The following GUCY1A2 variants were observed in gnomAD, a reference collection of about 807,000 sequenced individuals.
The protein encoded by GUCY1A2 is guanylate cyclase 1 soluble subunit alpha 2.
GUCY1A2 carries 27 observed loss-of-function variants against 63.5 expected under a neutral mutation model. The ratio of observed to expected loss-of-function variants is 0.43; its 90% CI spans 0.31 to 0.59. The LOEUF (loss-of-function observed/expected upper bound fraction) is 0.59, where lower values mean the gene tolerates loss of function less well. GUCY1A2 is among the 20% of genes least tolerant of loss of function. The pLI is 0.11. For missense variants in GUCY1A2, 768 were observed against 913.3 expected, an observed-to-expected ratio of 0.84 and a Z score of 2.05; for synonymous variants, 364 against 343.5, an observed-to-expected ratio of 1.06 and a Z score of -0.66.
At chr11:107,008,957 T>C (rs1381659255) in intron 1 of GUCY1A2, among the ~76,000 whole-genome samples, 3 of 152,188 alleles carry the variant, frequency 2.0e-5, no homozygotes, top group Non-Finnish European at 2.9e-5. Flanking sequence ...ATAACAAATA[T>C]TATACAGTGA....
At chr11:106,719,708 C>G (rs879892604) in intron 6 of GUCY1A2, among the ~76,000 whole-genome samples, 1 of 152,088 alleles carries the variant, frequency 6.6e-6, no homozygotes, top group Non-Finnish European at 1.5e-5. Flanking sequence ...TTTAAAATTG[C>G]TGTTTTGAAT....
chr11:106,818,529 T>G (rs1034136323), intron 4 of GUCY1A2, among the ~76,000 whole-genome samples: 1 of 152,230 alleles, frequency 6.6e-6, no homozygotes, highest in East Asian at 1.9e-4. Context: ...ACAACAATAT[T>G]GAAATTAGAC....
intron 5 of GUCY1A2, among the ~76,000 whole-genome samples, chr11:106,787,428 C>T (rs1555032107): frequency 1.1e-5 from 1 of 93,976 alleles, no homozygotes; most frequent in Non-Finnish European, 2.3e-5. Flanking sequence ...TTTTTTTTTG[C>T]TTGAAAACTT....
rs541649388 is a variant in GUCY1A2 at position 106,791,271 on chromosome 11, T to C, written c.1693-14689A>G. On this transcript the variant is annotated intron_variant, in intron 5 of 7. Coordinates refer to ENST00000526355, the MANE Select transcript of GUCY1A2 (RefSeq NM_000855.3). The stretch of plus-strand genomic sequence containing the variant: ...TATGACAGGACAGCACTGAGTTCAA[T>C]ACAAAGTCTCACAATCACTGCAGTC... Among the ~76,000 whole-genome samples, 24 of 152,348 alleles carry C rather than the reference T, an allele frequency of 1.6e-4. No homozygotes were observed. In the South Asian group the frequency reaches 3.9e-3, roughly 25 times the overall value.
chr11:106,675,549 G>A lies in GUCY1A2; in HGVS notation c.*12000C>T, dbSNP rs943298754. ...ATAAAATAGAGGGAAAAATGGGACT[G>A]TGGATTACAACTGTTCAAATTTCAT... On this transcript the variant is annotated 3_prime_UTR_variant, in exon 8 of 8. Coordinates refer to ENST00000526355, the MANE Select transcript of GUCY1A2 (RefSeq NM_000855.3). The A allele has an allele frequency of 7.6e-5, 15 of 196,412 alleles. 1 individual carries two copies. The highest frequency in any genetic ancestry group is 2.8e-4 in the African/African-American group (12 of 43,184). 12.2% of individuals were successfully genotyped at this position (196,412 alleles called of 1,614,324 possible).
chr11:106,795,512 T>C (rs1256087889), intron 5 of GUCY1A2, among the ~76,000 whole-genome samples: 1 of 152,162 alleles, frequency 6.6e-6, no homozygotes, highest in African/African-American at 2.4e-5. Context: ...AATAGACAGC[T>C]TTCATAGACT....
At chr11:106,803,042 T>C (rs1565294985) in intron 5 of GUCY1A2, among the ~76,000 whole-genome samples, 4 of 152,166 alleles carry the variant, frequency 2.6e-5, no homozygotes, top group African/African-American at 7.2e-5. Flanking sequence ...AGACACATCA[T>C]TAATATTAAC....
chr11:106,719,115 CCTT>C (rs1863269490), intron 6 of GUCY1A2, among the ~76,000 whole-genome samples: 2 of 152,012 alleles, frequency 1.3e-5, no homozygotes, highest in African/African-American at 4.8e-5. Context: ...GTATTAATAT[CCTT>C]GTTAGTGGCT....
At chr11:107,007,365 C>T (rs1861684583) in intron 1 of GUCY1A2, among the ~76,000 whole-genome samples, 1 of 152,084 alleles carries the variant, frequency 6.6e-6, no homozygotes, top group South Asian at 2.1e-4. Flanking sequence ...GTCTTAATTT[C>T]AGATCGGTGT....
chr11:106,999,746 T>C (rs1231646782), intron 1 of GUCY1A2, among the ~76,000 whole-genome samples: 3 of 152,146 alleles, frequency 2.0e-5, no homozygotes, highest in African/African-American at 7.2e-5. Context: ...TCCAATGGAA[T>C]TGTTAATTTC....
intron 6 of GUCY1A2, among the ~76,000 whole-genome samples, chr11:106,709,943 G>A (rs1363213419): frequency 7.3e-6 from 1 of 137,668 alleles, no homozygotes; most frequent in Non-Finnish European, 1.5e-5. Context: ...TTATATACAT[G>A]TATATAACAT....
At position 106,773,816 on chromosome 11, in the gene GUCY1A2, G is replaced by T. The variant is rs532825233; in HGVS notation, c.1836+2623C>A. 2.0e-4 allele frequency among the ~76,000 whole-genome samples: 30 copies of T among 152,210 alleles called. No individual in the cohort carries two copies. In the South Asian group the frequency reaches 6.0e-3, roughly 30 times the overall value. ...TGTCACAAAAATATTCTCCTAATTT[G>T]TAGTTGTATTTTAATTTTTTAGTTC... is the stretch of plus-strand genomic sequence containing the variant. On this transcript the variant is annotated intron_variant, in intron 6 of 7. Coordinates refer to ENST00000526355, the MANE Select transcript of GUCY1A2 (RefSeq NM_000855.3).
At chr11:106,731,736 C>T (rs953715302) in intron 6 of GUCY1A2, among the ~76,000 whole-genome samples, 2 of 152,090 alleles carry the variant, frequency 1.3e-5, no homozygotes, top group Non-Finnish European at 2.9e-5. Context: ...TTCCTATACA[C>T]CAACAACATC....
At position 106,940,098 on chromosome 11, in the gene GUCY1A2, G is replaced by A. The variant is rs1410221269; in HGVS notation, c.568C>T (p.Arg190Ter). The A allele has an allele frequency of 6.2e-7, 1 of 1,612,700 alleles. No homozygotes were observed. The highest frequency in any genetic ancestry group is 8.5e-7 in the Non-Finnish European group (1 of 1,178,736). ...TCCTGCAAAGTGCCACCTACAGCTC[G>A]AAGGACTCTCTCATTCTCATGAAAG... Reference protein sequence around the residue: ...ICFHENERVLRAVGGTLQDFF... With the variant: ...ICFHENERVL The change falls in exon 4 of 8, where the codon CGA becomes TGA. Residue 190 changes from arginine (R) to a stop codon, truncating the protein, a stop_gained. Transcript: ENST00000526355. LOFTEE classifies it high-confidence loss of function.
chr11:106,746,465 AG>A, intron 6 of GUCY1A2: 1 of 651,554 alleles, frequency 1.5e-6, no homozygotes, highest in South Asian at 1.9e-5. Context: ...TAAATGAATA[AG>A]GATTATACTC....
chr11:106,981,802 G>C lies in GUCY1A2; in HGVS notation c.366-3062C>G, dbSNP rs141496935. On this transcript the variant is annotated intron_variant, in intron 2 of 7. Coordinates refer to ENST00000526355, the MANE Select transcript of GUCY1A2 (RefSeq NM_000855.3). ...GAGAAGAAAACTGCAGTTAGAACACGAACTGGGCATGTTCACCACCAGATG... is the reference window on the plus strand; with the variant it reads ...GAGAAGAAAACTGCAGTTAGAACACCAACTGGGCATGTTCACCACCAGATG... Among the ~76,000 whole-genome samples the C allele has an allele frequency of 7.2e-5, 11 of 151,726 alleles. No homozygotes were observed. In the East Asian group the frequency reaches 2.1e-3, roughly 29 times the overall value.
At chr11:106,785,042 G>A (rs1380785932) in intron 5 of GUCY1A2, among the ~76,000 whole-genome samples, 1 of 152,108 alleles carries the variant, frequency 6.6e-6, no homozygotes, top group Non-Finnish European at 1.5e-5. Context: ...ATAGGCTCAG[G>A]AAAATAAAAG....
chr11:106,677,486 C>A lies in GUCY1A2; in HGVS notation c.*10063G>T, dbSNP rs956661533. 3 of 207,260 alleles carry A rather than the reference C, an allele frequency of 1.4e-5. No homozygotes were observed. The highest frequency in any genetic ancestry group is 6.8e-5 in the African/African-American group (3 of 43,916). The allele number at this position is 207,260 out of a possible 1,614,324, so 12.8% of individuals were successfully genotyped here. On this transcript the variant is annotated 3_prime_UTR_variant, in exon 8 of 8. Coordinates refer to ENST00000526355, the MANE Select transcript of GUCY1A2 (RefSeq NM_000855.3). ...TTGAAGACATAAAACCAAATTTTCC[C>A]AGCAGATAATAAATTCTGCACTGGG...
At chr11:106,956,469 T>G (rs1490988814) in intron 3 of GUCY1A2, among the ~76,000 whole-genome samples, 6 of 151,950 alleles carry the variant, frequency 3.9e-5, no homozygotes, top group African/African-American at 1.4e-4. Flanking sequence ...GGAGGCCTTT[T>G]TGTTGTTGTT....
Sources: gnomAD v4.1 joint callset for allele counts (sites outside exome capture counted in the v4.1 genomes callset) on GRCh38, gnomAD v4.1.1 for gene constraint, MANE v1.5 for transcripts, NCBI Gene and HGNC (gene_info 2026-07-23, HGNC 2026-07-21) for gene names.